LARGE1: variants seen among roughly 807,000 people sequenced by gnomAD.
LARGE1 encodes LARGE xylosyl- and glucuronyltransferase 1, also known as xylosyl- and glucuronyltransferase LARGE1.
In LARGE1, 43 loss-of-function variants were observed where a neutral mutation model predicts 87.6. The ratio of observed to expected loss-of-function variants is 0.49; its 90% CI spans 0.38 to 0.63. LARGE1 has a LOEUF of 0.63. LARGE1 is among the 30% of genes least tolerant of loss of function. LARGE1 has a pLI of 0.00. For synonymous variants in LARGE1, 434 were observed against 394.6 expected, an observed-to-expected ratio of 1.10 and a Z score of -1.18; for missense variants, 802 against 1,000.2, an observed-to-expected ratio of 0.80 and a Z score of 2.67.
chr22:33,385,597 A>G (rs1359393837), intron 7 of LARGE1, among the ~76,000 whole-genome samples: 1 of 147,604 alleles, frequency 6.8e-6, no homozygotes, highest in African/African-American at 2.5e-5. Flanking sequence ...AAATAAATAC[A>G]TCAGTTAAAA....
At chr22:33,874,892 T>C (rs985729775) in intron 1 of LARGE1, among the ~76,000 whole-genome samples, 1 of 152,240 alleles carries the variant, frequency 6.6e-6, no homozygotes, top group Admixed American at 6.5e-5. Context: ...CATGGATTAA[T>C]AATTCACACA....
At chr22:33,206,537 G>A (rs987222536) in intron 11 of LARGE1, among the ~76,000 whole-genome samples, 2 of 152,088 alleles carry the variant, frequency 1.3e-5, no homozygotes, top group Non-Finnish European at 2.9e-5. Context: ...GTCACAAGTC[G>A]TTTGGGACAG....
intron 6 of LARGE1, among the ~76,000 whole-genome samples, chr22:33,526,136 G>T (rs1415728290): frequency 6.6e-6 from 1 of 152,098 alleles, no homozygotes; most frequent in African/African-American, 2.4e-5. Flanking sequence ...CTACAATATG[G>T]ACTAACCTTG....
intron 1 of LARGE1, among the ~76,000 whole-genome samples, chr22:33,810,318 C>G (rs779234870): frequency 6.6e-6 from 1 of 152,082 alleles, no homozygotes; most frequent in African/African-American, 2.4e-5. Context: ...AGCCATAGCC[C>G]GATACTCTTG....
intron 6 of LARGE1, among the ~76,000 whole-genome samples, chr22:33,534,926 G>C (rs1296475549): frequency 6.6e-6 from 1 of 152,196 alleles, no homozygotes; most frequent in Non-Finnish European, 1.5e-5. Flanking sequence ...CTCAGAGCAG[G>C]GTCCAGTAGG....
chr22:33,605,380 G>A (rs1170713689), intron 4 of LARGE1, among the ~76,000 whole-genome samples: 2 of 152,138 alleles, frequency 1.3e-5, no homozygotes, highest in Non-Finnish European at 2.9e-5. Flanking sequence ...TTACGCAAGG[G>A]CAAAACTTCC....
At chr22:33,418,799 G>T (rs1249584537) in intron 7 of LARGE1, among the ~76,000 whole-genome samples, 1 of 152,186 alleles carries the variant, frequency 6.6e-6, no homozygotes, top group African/African-American at 2.4e-5. Flanking sequence ...ATCCTATGAG[G>T]CTGAATTTTG....
rs1054307688 is a variant in LARGE1, at chr22:33,493,238, G to A, written c.788-60973C>T. On this transcript the variant is annotated intron_variant, in intron 6 of 14. Coordinates refer to ENST00000397394, the MANE Select transcript of LARGE1 (RefSeq NM_133642.5). ...TGCAGTGGTGCGATCTCGGCTCGCT[G>A]CAACCTTCACCTCCCGGGTTCAAGT... Among the ~76,000 whole-genome samples, 9 of 146,170 alleles carry A rather than the reference G, an allele frequency of 6.2e-5. No homozygotes were observed. The Admixed American group carries it at 6.4e-4, about 10-fold the overall frequency.
intron 9 of LARGE1, among the ~76,000 whole-genome samples, chr22:33,366,892 T>C (rs2064614488): frequency 6.6e-6 from 1 of 152,210 alleles, no homozygotes; most frequent in Non-Finnish European, 1.5e-5. Context: ...TCATATTCTC[T>C]AGAAAAGTTT....
At chr22:33,530,430 C>A in intron 6 of LARGE1, among the ~76,000 whole-genome samples, 1 of 149,762 alleles carries the variant, frequency 6.7e-6, no homozygotes, top group Non-Finnish European at 1.5e-5. Context: ...CTAGCAAACA[C>A]CATTGCCTAT....
intron 2 of LARGE1, among the ~76,000 whole-genome samples, chr22:33,686,318 C>T (rs1198091092): frequency 6.6e-6 from 1 of 151,808 alleles, no homozygotes; most frequent in African/African-American, 2.4e-5. Context: ...GGTTCGAACC[C>T]CTGTTCAAGA....
chr22:33,090,998 C>T, the LARGE1 span, among the ~76,000 whole-genome samples: 1 of 152,134 alleles, frequency 6.6e-6, no homozygotes, highest in African/African-American at 2.4e-5. Flanking sequence ...CATTGCCATC[C>T]ATCATCTTTA....
At chr22:33,410,352 C>T (rs1161294080) in intron 7 of LARGE1, among the ~76,000 whole-genome samples, 1 of 151,928 alleles carries the variant, frequency 6.6e-6, no homozygotes, top group African/African-American at 2.4e-5. Flanking sequence ...AGCCAAATCG[C>T]ATCTTGAATT....
At chr22:33,783,035 C>G (rs1303035905) in intron 1 of LARGE1, among the ~76,000 whole-genome samples, 1 of 152,066 alleles carries the variant, frequency 6.6e-6, no homozygotes, top group African/African-American at 2.4e-5. Flanking sequence ...TGCTGTGACA[C>G]AAATGCTATG....
chr22:33,303,497 A>G (rs1467187446), intron 12 of LARGE1, among the ~76,000 whole-genome samples: 1 of 152,184 alleles, frequency 6.6e-6, no homozygotes, highest in African/African-American at 2.4e-5. Flanking sequence ...CGCAGCAAAC[A>G]CTTCCATAAG....
intron 4 of LARGE1, among the ~76,000 whole-genome samples, chr22:33,608,406 T>C (rs1021131190): frequency 5.9e-5 from 9 of 152,174 alleles, no homozygotes; most frequent in African/African-American, 1.2e-4. Flanking sequence ...TTGTAAGTCA[T>C]CTCCTCCTGG....
intron 3 of LARGE1, among the ~76,000 whole-genome samples, chr22:33,637,490 G>A (rs2080302152): frequency 6.6e-6 from 1 of 152,136 alleles, no homozygotes; most frequent in Admixed American, 6.5e-5. Context: ...TTCATGCCGT[G>A]TAGCCTCTCC....
the LARGE1 span, among the ~76,000 whole-genome samples, chr22:33,140,159 C>A: frequency 6.6e-6 from 1 of 152,184 alleles, no homozygotes; most frequent in Non-Finnish European, 1.5e-5. Flanking sequence ...TGGAATTCAG[C>A]CTCTGGAACA....
At chr22:33,452,326 G>T (rs1015675842) in intron 6 of LARGE1, among the ~76,000 whole-genome samples, 2 of 152,184 alleles carry the variant, frequency 1.3e-5, no homozygotes, top group African/African-American at 4.8e-5. Flanking sequence ...CAGCAGAAAG[G>T]GGGAGGGGCT....
Sources: gnomAD v4.1 joint callset for allele counts (sites outside exome capture counted in the v4.1 genomes callset) on GRCh38, gnomAD v4.1.1 for gene constraint, MANE v1.5 for transcripts, NCBI Gene and HGNC (gene_info 2026-07-23, HGNC 2026-07-21) for gene names.